Variants in CDH11 observed in about 807,000 individuals in gnomAD.
CDH11 encodes cadherin 11.
A neutral mutation model predicts 67.8 loss-of-function variants in CDH11; 11 were observed. The ratio of observed to expected loss-of-function variants is 0.16; its 90% CI spans 0.10 to 0.27. The LOEUF is 0.27. Among genes scored for constraint, CDH11 ranks in the 10% least tolerant of loss-of-function variants. CDH11 has a pLI of 1.00. For missense variants in CDH11, 847 were observed against 1,031.2 expected, an observed-to-expected ratio of 0.82 and a Z score of 2.45; for synonymous variants, 419 against 400.0, an observed-to-expected ratio of 1.05 and a Z score of -0.57.
At position 65,004,879 on chromosome 16, in the gene CDH11, C is replaced by T. The variant is rs759274899; in HGVS notation, c.-10G>A. 93 of 1,510,444 alleles carry T rather than the reference C, an allele frequency of 6.2e-5. No homozygotes were observed. The highest frequency in any genetic ancestry group is 1.7e-4 in the Middle Eastern group (1 of 5,772). 93.6% of individuals were successfully genotyped at this position (1,510,444 alleles called of 1,614,324 possible). A position where few individuals can be genotyped will look rare whatever the true frequency, so the allele number is the denominator to read the frequency against. Reference sequence around the variant, plus strand: ...AGTAGTTCTCCTTCATTTTTGGTTACGTGGTAGGCACAGGAGAATGCAGCT... The same window carrying T: ...AGTAGTTCTCCTTCATTTTTGGTTATGTGGTAGGCACAGGAGAATGCAGCT... On this transcript the variant is annotated 5_prime_UTR_variant, in exon 3 of 13. Transcript: ENST00000268603.
chr16:65,030,966 G>A (rs1022356207), intron 2 of CDH11, among the ~76,000 whole-genome samples: 1 of 152,172 alleles, frequency 6.6e-6, no homozygotes, highest in African/African-American at 2.4e-5. Flanking sequence ...AGTATTGACA[G>A]GTGACCTACA....
intron 2 of CDH11, among the ~76,000 whole-genome samples, chr16:65,020,064 T>C (rs533847287): frequency 6.6e-6 from 1 of 152,212 alleles, no homozygotes; most frequent in African/African-American, 2.4e-5. Flanking sequence ...TGGTAAGTTA[T>C]GTTAATTATG....
intron 2 of CDH11, among the ~76,000 whole-genome samples, chr16:65,012,896 C>A (rs1489400130): frequency 6.6e-6 from 1 of 152,176 alleles, no homozygotes; most frequent in Non-Finnish European, 1.5e-5. Flanking sequence ...TCTAAGAAGA[C>A]TGAGACAAGA....
intron 1 of CDH11, among the ~76,000 whole-genome samples, chr16:65,058,180 C>G (rs898819091): frequency 4.6e-5 from 7 of 152,000 alleles, no homozygotes; most frequent in Non-Finnish European, 8.8e-5. Context: ...CAAAATAGCG[C>G]CACGGTACTC....
intron 1 of CDH11, among the ~76,000 whole-genome samples, chr16:65,067,132 GT>G (rs2074325679): frequency 6.7e-6 from 1 of 150,194 alleles, no homozygotes; most frequent in South Asian, 2.2e-4. Context: ...CATTCTATAT[GT>G]TTTAGAGGTT....
At chr16:65,010,659 C>G (rs997081755) in intron 2 of CDH11, among the ~76,000 whole-genome samples, 1 of 152,000 alleles carries the variant, frequency 6.6e-6, no homozygotes, top group Non-Finnish European at 1.5e-5. Flanking sequence ...AAGACCCCAG[C>G]GCTCTGCAAA....
intron 1 of CDH11, among the ~76,000 whole-genome samples, chr16:65,055,180 C>A (rs543102167): frequency 1.3e-5 from 2 of 152,332 alleles, no homozygotes; most frequent in Admixed American, 6.5e-5. Flanking sequence ...TGCTTGTCAA[C>A]CATGTTACAT....
At chr16:65,014,308 A>T (rs909797872) in intron 2 of CDH11, among the ~76,000 whole-genome samples, 3 of 139,314 alleles carry the variant, frequency 2.2e-5, no homozygotes, top group Non-Finnish European at 5.0e-5. Flanking sequence ...TAGAAGCCAT[A>T]TATTTAAAAG....
intron 3 of CDH11, among the ~76,000 whole-genome samples, chr16:65,001,584 T>C (rs191634838): frequency 4.9e-4 from 75 of 152,338 alleles, no homozygotes; most frequent in African/African-American, 1.8e-3. Flanking sequence ...ATATATTACA[T>C]GTGAATTTGG....
chr16:64,980,890 T>C (rs1014888746), intron 8 of CDH11, among the ~76,000 whole-genome samples: 2 of 151,966 alleles, frequency 1.3e-5, no homozygotes. Context: ...GGAGTGGCTG[T>C]GGGAAAAGAA....
In CDH11 at chr16:64,946,468, C is replaced by T. The variant is rs973512365; in HGVS notation, c.*1135G>A. 2.9e-6 allele frequency: 3 copies of T among 1,031,610 alleles called. No homozygotes were observed. 63.9% of individuals were successfully genotyped at this position (1,031,610 alleles called of 1,614,324 possible). The stretch of plus-strand genomic sequence containing the variant: ...TACTGATATACAAGATAAATGCATA[C>T]TATATAACACATATTGCAAAGTCAT... On this transcript the variant is annotated 3_prime_UTR_variant, in exon 13 of 13. Transcript: ENST00000268603.
At chr16:64,983,639 C>T (rs895288124) in intron 7 of CDH11, among the ~76,000 whole-genome samples, 1 of 152,162 alleles carries the variant, frequency 6.6e-6, no homozygotes, top group Admixed American at 6.5e-5. Flanking sequence ...ATCTTCCCAC[C>T]TCCATCTTCC....
chr16:64,994,824 C>A (rs570441050), intron 4 of CDH11, among the ~76,000 whole-genome samples: 1 of 152,228 alleles, frequency 6.6e-6, no homozygotes, highest in African/African-American at 2.4e-5. Flanking sequence ...AAGACTCTGC[C>A]AAAAGGCTCT....
chr16:64,998,741 G>T lies in CDH11; in HGVS notation c.344C>A (p.Thr115Lys). 6.2e-7 allele frequency: 1 copy of T among 1,614,100 alleles called. No individual in the cohort carries two copies. Reference sequence around the variant, plus strand: ...CTGGGCTCTCTCTTCTCGATCCAACGTCTTGGTGGCATGAATGTTCCCTGA... The same window carrying T: ...CTGGGCTCTCTCTTCTCGATCCAACTTCTTGGTGGCATGAATGTTCCCTGA... ...DKSGNIHATK[T>K]LDREERAQYT... Residue 115 changes from threonine to lysine, a missense_variant, in exon 4 of 13, where the codon ACG (threonine) becomes AAG (lysine). By Grantham distance (78) the Thr-to-Lys change is moderately conservative. Transcript: ENST00000268603.
intron 11 of CDH11, among the ~76,000 whole-genome samples, chr16:64,952,412 A>G (rs1324949963): frequency 6.6e-6 from 1 of 152,188 alleles, no homozygotes; most frequent in African/African-American, 2.4e-5. Context: ...CAGACATTCA[A>G]TAAATATTTG....
At position 65,053,825 on chromosome 16, in the gene CDH11, T is replaced by G. The variant is rs2074098086; in HGVS notation, c.-194A>C. ...TTACCTTCTTCACCCATTGGATACT[T>G]GCTGCCAATTTCTGTAACACACTCC... is the stretch of plus-strand genomic sequence containing the variant. On this transcript the variant is annotated 5_prime_UTR_variant, in exon 2 of 13. Coordinates refer to ENST00000268603, the MANE Select transcript of CDH11 (RefSeq NM_001797.4). 2.2e-6 allele frequency: 1 copy of G among 455,942 alleles called. No individual in the cohort carries two copies. Among genetic ancestry groups the G allele is most frequent in the Non-Finnish European group, 4.4e-6 (1 of 226,790 alleles). 28.2% of individuals were successfully genotyped at this position (455,942 alleles called of 1,614,324 possible).
Position 64,947,563 on chromosome 16 carries a change from G to T in CDH11, c.*40C>A. 7 of 1,572,328 alleles carry T rather than the reference G, an allele frequency of 4.5e-6. No individual in the cohort carries two copies. The highest frequency in any genetic ancestry group is 6.0e-6 in the Non-Finnish European group (7 of 1,158,102). Reference sequence around the variant, plus strand: ...ACACATCTTCTAGATTCTTGAGAACGCCAGACACAGTTCTTAAGGCCAAAT... The same window carrying T: ...ACACATCTTCTAGATTCTTGAGAACTCCAGACACAGTTCTTAAGGCCAAAT... On this transcript the variant is annotated 3_prime_UTR_variant, in exon 13 of 13. Transcript: ENST00000268603.
chr16:65,084,325 A>C (rs1457999009), intron 1 of CDH11, among the ~76,000 whole-genome samples: 4 of 151,598 alleles, frequency 2.6e-5, no homozygotes. Flanking sequence ...ACATGGGGGT[A>C]CATGCCTGTA....
intron 7 of CDH11, chr16:64,987,538 T>C (rs1001334779): frequency 1.3e-5 from 2 of 151,196 alleles, no homozygotes; most frequent in Middle Eastern, 3.2e-3. Context: ...GTAGTCAGTA[T>C]TGAGCGCATG....
Sources: allele counts gnomAD v4.1 joint callset (sites outside exome capture counted in the v4.1 genomes callset), GRCh38; gene constraint gnomAD v4.1.1; transcripts MANE v1.5; gene names NCBI Gene and HGNC (gene_info 2026-07-23, HGNC 2026-07-21).